AFF4: variants seen among roughly 807,000 people sequenced by gnomAD.
AFF4 encodes the protein ALF transcription elongation factor 4, also known as AF4/FMR2 family member 4.
In AFF4, 13 loss-of-function variants were observed where a neutral mutation model predicts 124.8. The observed-to-expected ratio is 0.10, with a 90% confidence interval of 0.07 to 0.17. The LOEUF (loss-of-function observed/expected upper bound fraction) is 0.17. AFF4 is among the 10% of genes least tolerant of loss of function. The pLI is 1.00. For missense variants in AFF4, 1,092 were observed against 1,403.8 expected, an observed-to-expected ratio of 0.78 and a Z score of 3.55; for synonymous variants, 477 against 496.1, an observed-to-expected ratio of 0.96 and a Z score of 0.51.
chr5:132,950,472 TCAA>T, intron 1 of AFF4, among the ~76,000 whole-genome samples: 1 of 146,986 alleles, frequency 6.8e-6, no homozygotes, highest in Middle Eastern at 3.4e-3. Context: ...AAACTCCATC[TCAA>T]TAAATAAATA....
intron 13 of AFF4, among the ~76,000 whole-genome samples, chr5:132,889,964 G>C (rs1008040635): frequency 1.3e-5 from 2 of 151,874 alleles, no homozygotes; most frequent in Non-Finnish European, 2.9e-5. Context: ...TATCAATATA[G>C]CCCTTTATGA....
chr5:132,913,706 T>C (rs1366034958), intron 5 of AFF4, among the ~76,000 whole-genome samples: 2 of 152,182 alleles, frequency 1.3e-5, no homozygotes, highest in African/African-American at 4.8e-5. Context: ...CCTTCTAAAG[T>C]GTTGGGATTA....
chr5:132,901,814 T>C (rs967206193), intron 7 of AFF4, among the ~76,000 whole-genome samples: 2 of 152,116 alleles, frequency 1.3e-5, no homozygotes, highest in African/African-American at 4.8e-5. Flanking sequence ...GAAAAAACCA[T>C]GATCTCAGAG....
intron 1 of AFF4, among the ~76,000 whole-genome samples, chr5:132,942,056 G>A (rs1761583004): frequency 6.6e-6 from 1 of 151,738 alleles, no homozygotes; most frequent in African/African-American, 2.4e-5. Context: ...AATACCAGCT[G>A]GGTGTTCTCT....
rs113795101 is a variant in AFF4, at chr5:132,898,246, T to C, written c.1373A>G (p.Gln458Arg). Residue 458 changes from glutamine to arginine, a missense_variant, in exon 10 of 21, where the codon CAG becomes CGG. This residue lies in a region of AFF4 where 18 missense variants were observed against 16.7 expected (regional missense o/e 1.08). Coordinates refer to ENST00000265343, the MANE Select transcript of AFF4 (RefSeq NM_014423.4). ...SSDSEANEPS[Q>R]SASPEPEPPP... is the part of the protein sequence containing the mutation. ...CTGTCTCACCTCGGGAGATGCACTC[T>C]GGGATGGCTCATTTGCCTCACTGTC... The C allele has an allele frequency of 6.2e-7, 1 of 1,614,188 alleles. No individual in the cohort carries two copies.
intron 7 of AFF4, chr5:132,900,754 T>C: frequency 1.7e-6 from 1 of 580,916 alleles, no homozygotes; most frequent in Non-Finnish European, 2.2e-6. Context: ...AAATTTTCTA[T>C]GTAACAGTCC....
chr5:132,933,975 G>A (rs916791657), intron 3 of AFF4, among the ~76,000 whole-genome samples, 172 bp downstream of exon 3: 2 of 151,998 alleles, frequency 1.3e-5, no homozygotes, highest in South Asian at 2.1e-4. Context: ...ACAGATCTAC[G>A]CATCCACTTG....
intron 1 of AFF4, chr5:132,948,776 T>C (rs1761759420): frequency 6.3e-6 from 1 of 158,224 alleles, no homozygotes; most frequent in South Asian, 1.9e-4. Flanking sequence ...GAATTCCTTT[T>C]TGGATGCAAA....
rs574397146 is a variant in AFF4 at position 132,899,946 on chromosome 5, C to T, written c.1134-305G>A. ...AGTTCTGTAATCTCTAACTTTTCCC[C>T]TAGTTGCACACACACATTCATTATT... On this transcript the variant is annotated intron_variant, in intron 7 of 20. Transcript: ENST00000265343. Among the ~76,000 whole-genome samples, 4 of 152,288 alleles carry T rather than the reference C, an allele frequency of 2.6e-5. No homozygotes were observed. In the East Asian group the frequency reaches 7.7e-4, roughly 29 times the overall value.
In AFF4 at chr5:132,919,767, T is replaced by C. The variant is rs115714208; in HGVS notation, c.1050+7354A>G. 8.9e-3 allele frequency among the ~76,000 whole-genome samples: 1,348 copies of C among 152,274 alleles called. 21 individuals are homozygous for C. The highest frequency in any genetic ancestry group is 0.031 in the African/African-American group (1,305 of 41,554). ...CGGGAGACCAAGGCATGAGAATCGC[T>C]TGAGCCCAGGAGTCAGATGTTGCAG... is the stretch of plus-strand genomic sequence containing the variant. On this transcript the variant is annotated intron_variant, in intron 5 of 20. Coordinates refer to ENST00000265343, the MANE Select transcript of AFF4 (RefSeq NM_014423.4).
chr5:132,950,483 A>C (rs1045834362), intron 1 of AFF4, among the ~76,000 whole-genome samples: 4 of 152,018 alleles, frequency 2.6e-5, no homozygotes, highest in Admixed American at 1.3e-4. Context: ...CAATAAATAA[A>C]TAAATAAACA....
At chr5:132,890,943 C>A (rs2150068657) in intron 13 of AFF4, among the ~76,000 whole-genome samples, 1 of 151,768 alleles carries the variant, frequency 6.6e-6, no homozygotes, top group East Asian at 1.9e-4. Context: ...TGATTTTTAC[C>A]TACGAGATAG....
intron 2 of AFF4, 95 bp from the exon 3 acceptor site, chr5:132,935,036 GGGCTTTTCAAAGGGA>G (rs1272688449): frequency 7.5e-5 from 77 of 1,025,876 alleles, no homozygotes; most frequent in Non-Finnish European, 9.7e-5. Context: ...GAATGGAAAG[GGGCTTTTCAAAGGGA>G]GGCTTTACCT....
chr5:132,935,967 C>T (rs1467150528), intron 2 of AFF4, among the ~76,000 whole-genome samples: 1 of 151,492 alleles, frequency 6.6e-6, no homozygotes, highest in Admixed American at 6.6e-5. Context: ...AGTAATCTGC[C>T]TTTATAAAAT....
At chr5:132,957,728 T>C (rs11959483) in intron 1 of AFF4, among the ~76,000 whole-genome samples, 8 of 151,834 alleles carry the variant, frequency 5.3e-5, no homozygotes, top group Non-Finnish European at 1.2e-4. Flanking sequence ...CAAGACTCCA[T>C]CTCAAATAAT....
intron 7 of AFF4, among the ~76,000 whole-genome samples, chr5:132,902,027 C>T (rs1561487409): frequency 6.6e-6 from 1 of 152,014 alleles, no homozygotes; most frequent in Non-Finnish European, 1.5e-5. Flanking sequence ...AATTTGCATG[C>T]TCATGCCTTA....
At chr5:132,886,901 C>T (rs1447636467) in intron 17 of AFF4, among the ~76,000 whole-genome samples, 1 of 152,198 alleles carries the variant, frequency 6.6e-6, no homozygotes, top group Non-Finnish European at 1.5e-5. Flanking sequence ...AGCCCTTGTA[C>T]ATGTTGTTCC....
At chr5:132,908,186 G>C (rs1760712664) in intron 5 of AFF4, among the ~76,000 whole-genome samples, 1 of 151,216 alleles carries the variant, frequency 6.6e-6, no homozygotes, top group African/African-American at 2.4e-5. Flanking sequence ...AATATGTATA[G>C]AATATGCATT....
At position 132,881,060 on chromosome 5, in the gene AFF4, CAAG is replaced by C; in HGVS notation, c.3488_3490del (p.Ser1163del). 1 of 1,612,964 alleles carries C rather than the reference CAAG, an allele frequency of 6.2e-7. No individual in the cohort carries two copies. On this transcript the variant is annotated inframe_deletion, in exon 21 of 21. Coordinates refer to ENST00000265343, the MANE Select transcript of AFF4 (RefSeq NM_014423.4). ...AGAGGCAACGAGAATGTGTTCAGTT[CAAG>C]ATATCAACTTGGCATCCTGGCGAAG...
Sources: gnomAD v4.1 joint callset for allele counts (sites outside exome capture counted in the v4.1 genomes callset) on GRCh38, gnomAD v4.1.1 for gene constraint, gnomAD v4.1.1 regional missense constraint, MANE v1.5 for transcripts, NCBI Gene and HGNC (gene_info 2026-07-23, HGNC 2026-07-21) for gene names.